Variants in AOPEP observed in about 807,000 individuals in gnomAD.
AOPEP encodes aminopeptidase O.
Under a neutral mutation model 98.1 loss-of-function variants are expected in AOPEP, and 77 were observed. The observed-to-expected ratio is 0.78, with a 90% CI of 0.65 to 0.95. The LOEUF is 0.95. Among genes scored for constraint, AOPEP ranks in the 40% least tolerant of loss-of-function variants. The pLI is 0.00. For synonymous variants in AOPEP, 346 were observed against 365.3 expected (o/e 0.95, Z 0.60); for missense variants, 1,024 against 1,024.7 (o/e 1.00, Z 0.01).
chr9:95,000,372 C>T (rs2061486527), intron 11 of AOPEP, among the ~76,000 whole-genome samples: 1 of 151,998 alleles, frequency 6.6e-6, no homozygotes, highest in Admixed American at 6.6e-5. Flanking sequence ...TATAATTTTT[C>T]TAAAATCATC....
intron 16 of AOPEP, among the ~76,000 whole-genome samples, chr9:95,083,830 T>C (rs1259414374): frequency 6.6e-6 from 1 of 152,258 alleles, no homozygotes; most frequent in Non-Finnish European, 1.5e-5. Context: ...TTTGTTGTGT[T>C]GGAGCGGAAT....
the AOPEP span, chr9:95,099,748 C>T: frequency 3.0e-4 from 70 of 232,592 alleles, no homozygotes; most frequent in African/African-American, 1.3e-3. Flanking sequence ...CCGCCTCCAC[C>T]GCACCCGTGA....
chr9:95,025,057 A>G (rs1206731137), intron 13 of AOPEP, among the ~76,000 whole-genome samples: 2 of 152,190 alleles, frequency 1.3e-5, no homozygotes, highest in African/African-American at 2.4e-5. Context: ...TCAAATCATT[A>G]TATTTGGGAT....
At chr9:94,967,350 C>T (rs778549204) in intron 9 of AOPEP, among the ~76,000 whole-genome samples, 1 of 152,020 alleles carries the variant, frequency 6.6e-6, no homozygotes, top group African/African-American at 2.4e-5. Flanking sequence ...GGTAGAGCAA[C>T]GCAAGAGAGT....
intron 7 of AOPEP, among the ~76,000 whole-genome samples, chr9:94,954,329 G>GA (rs1323114132): frequency 4.0e-5 from 6 of 151,522 alleles, no homozygotes; most frequent in East Asian, 1.9e-4. Flanking sequence ...TGACTCGAAG[G>GA]AAAAAAAAGA....
chr9:95,051,146 A>T (rs1165362398), intron 13 of AOPEP, among the ~76,000 whole-genome samples: 1 of 142,390 alleles, frequency 7.0e-6, no homozygotes, highest in Non-Finnish European at 1.5e-5. Flanking sequence ...CTGAAGTGCA[A>T]TGGCGTGATC....
At chr9:95,145,516 C>T in the AOPEP span, 1 of 152,118 alleles carries the variant, frequency 6.6e-6, no homozygotes, top group East Asian at 1.9e-4. Context: ...GTCTTCCCTG[C>T]AACTAGAAAA....
chr9:94,731,790 CTTTTT>C (rs564831468), intron 1 of AOPEP, among the ~76,000 whole-genome samples: 1 of 86,288 alleles, frequency 1.2e-5, no homozygotes, highest in Non-Finnish European at 2.1e-5. Context: ...TCTCTTTTGC[CTTTTT>C]TTTTTTTTTT....
At chr9:94,743,563 C>G (rs546993589) in intron 1 of AOPEP, among the ~76,000 whole-genome samples, 1 of 152,316 alleles carries the variant, frequency 6.6e-6, no homozygotes, top group South Asian at 2.1e-4. Context: ...CTATTGAGCC[C>G]AGCAAGGGAA....
chr9:94,984,926 C>T (rs1267725654), intron 11 of AOPEP, among the ~76,000 whole-genome samples: 3 of 152,220 alleles, frequency 2.0e-5, no homozygotes, highest in Non-Finnish European at 4.4e-5. Context: ...TCCACAGGTA[C>T]GGGGCGGGAG....
intron 5 of AOPEP, among the ~76,000 whole-genome samples, chr9:94,855,768 G>A (rs2044128223): frequency 6.6e-6 from 1 of 152,120 alleles, no homozygotes; most frequent in Admixed American, 6.5e-5. Flanking sequence ...TCGCATGTGG[G>A]TCAAATGCTC....
At chr9:95,025,249 T>A (rs1338938959) in intron 13 of AOPEP, among the ~76,000 whole-genome samples, 1 of 152,222 alleles carries the variant, frequency 6.6e-6, no homozygotes, top group East Asian at 1.9e-4. Flanking sequence ...TGGCTTGTCC[T>A]TGTTCTTCCT....
intron 7 of AOPEP, among the ~76,000 whole-genome samples, chr9:94,949,075 C>G (rs2057909557): frequency 6.6e-6 from 1 of 152,234 alleles, no homozygotes; most frequent in African/African-American, 2.4e-5. Flanking sequence ...CCGTTTTTCT[C>G]TGTCTCTTTT....
chr9:95,049,308 C>G (rs1352935536), intron 13 of AOPEP, among the ~76,000 whole-genome samples: 1 of 152,240 alleles, frequency 6.6e-6, no homozygotes. Flanking sequence ...AAGGGAAATT[C>G]TGTAAAAATG....
chr9:95,063,092 G>A (rs115705767), intron 14 of AOPEP, among the ~76,000 whole-genome samples: 1,654 of 152,272 alleles, frequency 0.011, 33 homozygotes, highest in African/African-American at 0.037. Flanking sequence ...GACTATGGGC[G>A]GGTGCTGGGC....
At chr9:95,121,766 A>C in the AOPEP span, among the ~76,000 whole-genome samples, 3 of 152,338 alleles carry the variant, frequency 2.0e-5, no homozygotes, top group South Asian at 6.2e-4. Flanking sequence ...GTGCAAAAAC[A>C]ACCAAAACTA....
At chr9:94,748,196 T>G (rs1228347132) in intron 1 of AOPEP, among the ~76,000 whole-genome samples, 2 of 152,198 alleles carry the variant, frequency 1.3e-5, no homozygotes, top group African/African-American at 4.8e-5. Context: ...TGGCCTTCAT[T>G]GTTTCTCTGA....
intron 13 of AOPEP, among the ~76,000 whole-genome samples, chr9:95,026,360 T>C (rs1489376445): frequency 6.6e-6 from 1 of 152,226 alleles, no homozygotes; most frequent in Non-Finnish European, 1.5e-5. Context: ...TATTTCCCCC[T>C]CTCCTCATCC....
At chr9:95,096,253 C>T in the AOPEP span, among the ~76,000 whole-genome samples, 8 of 152,222 alleles carry the variant, frequency 5.3e-5, no homozygotes, top group East Asian at 9.7e-4. Context: ...ATTTACTCGG[C>T]GGGAGATGAT....
Sources: gnomAD v4.1 joint callset for allele counts (sites outside exome capture counted in the v4.1 genomes callset) on GRCh38, gnomAD v4.1.1 for gene constraint, MANE v1.5 for transcripts, NCBI Gene and HGNC (gene_info 2026-07-23, HGNC 2026-07-21) for gene names.